The following GPATCH8 variants were observed in gnomAD, a reference collection of about 807,000 sequenced individuals.
GPATCH8 encodes G patch domain-containing protein 8.
GPATCH8 carries 18 observed loss-of-function variants against 118.3 expected under a neutral mutation model. The observed-to-expected ratio is 0.15, with a 90% CI of 0.11 to 0.23. The LOEUF (loss-of-function observed/expected upper bound fraction) is 0.23. Among genes scored for constraint, GPATCH8 ranks in the 10% least tolerant of loss-of-function variants. GPATCH8 has a pLI of 1.00. For synonymous variants in GPATCH8, 659 were observed against 684.7 expected (o/e 0.96, Z 0.59); for missense variants, 1,631 against 1,873.8 (o/e 0.87, Z 2.39).
At chr17:44,414,115 A>ATATATGTGTATATATATATATG (rs1555624945) in intron 6 of GPATCH8, among the ~76,000 whole-genome samples, 1 of 83,466 alleles carries the variant, frequency 1.2e-5, no homozygotes, top group Non-Finnish European at 2.6e-5. Flanking sequence ...GTATATATAT[A>ATATATGTGTATATATATATATG]TGTATATATA....
At chr17:44,437,730 T>C (rs1323275206) in intron 3 of GPATCH8, among the ~76,000 whole-genome samples, 3 of 151,918 alleles carry the variant, frequency 2.0e-5, no homozygotes, top group Admixed American at 6.6e-5. Context: ...GAAGAAACCA[T>C]GTTCAAAACG....
chr17:44,433,826 G>A (rs1315545181), intron 5 of GPATCH8, among the ~76,000 whole-genome samples: 2 of 152,166 alleles, frequency 1.3e-5, no homozygotes, highest in African/African-American at 2.4e-5. Flanking sequence ...AAAACCAAGA[G>A]TAATGAAAAT....
At position 44,491,486 on chromosome 17, in the gene GPATCH8, CAAA is replaced by C. The variant is rs1023934645; in HGVS notation, c.45+11837_45+11839del. On this transcript the variant is annotated intron_variant, in intron 1 of 7. Coordinates refer to ENST00000591680, the MANE Select transcript of GPATCH8 (RefSeq NM_001002909.4). ...CTGGTGACAGAGCGAGACTCCGTCTCAAAAAAAAAAAAAAAAAAAAAATTCTTA... is the reference window on the plus strand; with the variant it reads ...CTGGTGACAGAGCGAGACTCCGTCTCAAAAAAAAAAAAAAAAAAATTCTTA... Among the ~76,000 whole-genome samples, 611 of 69,524 alleles carry C rather than the reference CAAA, an allele frequency of 8.8e-3. 7 individuals are homozygous for C. Among genetic ancestry groups the C allele is most frequent in the African/African-American group, 0.028 (559 of 19,914 alleles). 45.6% of individuals were successfully genotyped at this position (69,524 alleles called of 152,430 possible).
intron 1 of GPATCH8, among the ~76,000 whole-genome samples, chr17:44,485,457 C>T (rs901061072): frequency 2.0e-5 from 3 of 152,026 alleles, no homozygotes; most frequent in Admixed American, 2.0e-4. Flanking sequence ...GATAGGGTCT[C>T]GCTCTGTCAC....
chr17:44,457,352 T>C (rs1378077529), intron 3 of GPATCH8, among the ~76,000 whole-genome samples: 1 of 152,186 alleles, frequency 6.6e-6, no homozygotes, highest in African/African-American at 2.4e-5. Flanking sequence ...CTACAGAGAA[T>C]GTTCATCTCT....
intron 3 of GPATCH8, among the ~76,000 whole-genome samples, chr17:44,441,561 TA>T (rs2050689911): frequency 6.6e-6 from 1 of 150,544 alleles, no homozygotes; most frequent in Non-Finnish European, 1.5e-5. Flanking sequence ...CCATCTCTAC[TA>T]AAAACACAAA....
intron 6 of GPATCH8, 103 bp downstream of exon 6, chr17:44,424,246 C>G (rs1567968742): frequency 2.4e-6 from 2 of 834,746 alleles, no homozygotes; most frequent in Non-Finnish European, 4.1e-6. Context: ...TTGGCAGACA[C>G]AAGAAATCAT....
chr17:44,494,535 T>A (rs1179740966), intron 1 of GPATCH8, among the ~76,000 whole-genome samples: 1 of 152,126 alleles, frequency 6.6e-6, no homozygotes. Context: ...GAGGTTGCAG[T>A]GAGCCAAGAC....
intron 4 of GPATCH8, 25 bp from the exon 5 acceptor site, chr17:44,435,176 A>G: frequency 9.6e-7 from 1 of 1,046,960 alleles, no homozygotes; most frequent in Non-Finnish European, 1.5e-6. Context: ...ATATGATTAG[A>G]TTTAATTCCT....
Position 44,396,374 on chromosome 17 carries a change from C to T in GPATCH8, c.*1194G>A, listed in dbSNP as rs533086533. 5.5e-5 allele frequency: 25 copies of T among 454,494 alleles called. No homozygotes were observed. Among genetic ancestry groups the T allele is most frequent in the African/African-American group, 4.8e-4 (24 of 50,108 alleles). The allele number at this position is 454,494 out of a possible 1,614,324, so 28.2% of individuals were successfully genotyped here. The stretch of plus-strand genomic sequence containing the variant: ...GGGAGACTGTTAAAGATGAGCATCC[C>T]TCAGAAGCCCCCAGCTGACTGCTGC... On this transcript the variant is annotated 3_prime_UTR_variant, in exon 8 of 8. Transcript: ENST00000591680.
intron 3 of GPATCH8, among the ~76,000 whole-genome samples, chr17:44,457,673 C>T (rs540216042): frequency 6.6e-6 from 1 of 152,144 alleles, no homozygotes; most frequent in African/African-American, 2.4e-5. Flanking sequence ...GTGGATCACA[C>T]CTATAATCCC....
At chr17:44,484,486 G>A (rs1968617113) in intron 1 of GPATCH8, among the ~76,000 whole-genome samples, 1 of 152,098 alleles carries the variant, frequency 6.6e-6, no homozygotes, top group Non-Finnish European at 1.5e-5. Flanking sequence ...CTGAAAAGTT[G>A]GCTACAAAAA....
chr17:44,406,293 A>T (rs998036905), intron 6 of GPATCH8, among the ~76,000 whole-genome samples: 2 of 152,176 alleles, frequency 1.3e-5, no homozygotes, highest in African/African-American at 4.8e-5. Flanking sequence ...AAATAAAATG[A>T]TCTCAAATGC....
intron 6 of GPATCH8, among the ~76,000 whole-genome samples, chr17:44,411,455 G>A (rs2049428750): frequency 6.6e-6 from 1 of 152,160 alleles, no homozygotes; most frequent in African/African-American, 2.4e-5. Context: ...ATTTGATGGA[G>A]TATACTAAGA....
intron 1 of GPATCH8, among the ~76,000 whole-genome samples, chr17:44,475,140 A>G (rs1967637472): frequency 6.6e-6 from 1 of 152,144 alleles, no homozygotes; most frequent in African/African-American, 2.4e-5. Flanking sequence ...GCACTTCAGG[A>G]GGCTGAGGCA....
At chr17:44,500,639 T>C (rs927269186) in intron 1 of GPATCH8, among the ~76,000 whole-genome samples, 1 of 152,308 alleles carries the variant, frequency 6.6e-6, no homozygotes, top group East Asian at 1.9e-4. Flanking sequence ...TTCTACAACT[T>C]TAAATCATCC....
intron 6 of GPATCH8, among the ~76,000 whole-genome samples, chr17:44,413,046 T>A (rs1267679418): frequency 2.0e-5 from 3 of 152,210 alleles, no homozygotes; most frequent in Non-Finnish European, 4.4e-5. Context: ...AATGTTTCAG[T>A]ATTAAACTAC....
chr17:44,468,196 C>T (rs1966957641), intron 2 of GPATCH8, among the ~76,000 whole-genome samples: 1 of 151,698 alleles, frequency 6.6e-6, no homozygotes, highest in South Asian at 2.1e-4. Context: ...TGGTCTCAAA[C>T]TCCTGACCTC....
intron 6 of GPATCH8, among the ~76,000 whole-genome samples, chr17:44,413,374 G>T (rs567282016): frequency 6.6e-6 from 1 of 151,964 alleles, no homozygotes; most frequent in Non-Finnish European, 1.5e-5. Flanking sequence ...ACATTCAAGC[G>T]ATTCTTGTGC....
Sources: gnomAD v4.1 joint callset for allele counts (sites outside exome capture counted in the v4.1 genomes callset) on GRCh38, gnomAD v4.1.1 for gene constraint, MANE v1.5 for transcripts, NCBI Gene and HGNC (gene_info 2026-07-23, HGNC 2026-07-21) for gene names.